Variants in TRPV5 observed in about 807,000 individuals in gnomAD.
The protein encoded by TRPV5 is transient receptor potential cation channel subfamily V member 5.
A neutral mutation model predicts 74.1 loss-of-function variants in TRPV5; 66 were observed. The observed-to-expected ratio is 0.89, with a 90% CI of 0.73 to 1.09. The LOEUF is 1.09. Among genes scored for constraint, TRPV5 ranks in the 50% least tolerant of loss-of-function variants. The pLI, the probability that TRPV5 is intolerant of heterozygous loss-of-function variation, is 0.00. For synonymous variants in TRPV5, 399 were observed against 360.7 expected, an observed-to-expected ratio of 1.11 and a Z score of -1.20; for missense variants, 936 against 930.4, an observed-to-expected ratio of 1.01 and a Z score of -0.08.
chr7:142,914,516 CAA>C, intron 12 of TRPV5, 122 bp downstream of exon 12: 1 of 939,212 alleles, frequency 1.1e-6, no homozygotes, highest in Non-Finnish European at 1.6e-6. Flanking sequence ...AAAAACAAAA[CAA>C]AAAACAAACA....
At chr7:142,913,404 A>C (rs1475268426) in intron 12 of TRPV5, among the ~76,000 whole-genome samples, 1 of 152,252 alleles carries the variant, frequency 6.6e-6, no homozygotes, top group Non-Finnish European at 1.5e-5. Context: ...AACAGGGTCT[A>C]TGACAAAGCA....
intron 12 of TRPV5, among the ~76,000 whole-genome samples, chr7:142,913,039 G>A (rs898113551): frequency 1.3e-5 from 2 of 152,164 alleles, no homozygotes; most frequent in African/African-American, 4.8e-5. Flanking sequence ...TGTGCAGCGT[G>A]TGTGTTTGTA....
At chr7:142,919,906 C>CT (rs967317423) in intron 8 of TRPV5, among the ~76,000 whole-genome samples, 1 of 152,166 alleles carries the variant, frequency 6.6e-6, no homozygotes, top group East Asian at 1.9e-4. Flanking sequence ...AGCTCTAGAC[C>CT]TTTTTCCCCC....
chr7:142,912,211 TC>T, intron 13 of TRPV5, among the ~76,000 whole-genome samples: 1 of 152,182 alleles, frequency 6.6e-6, no homozygotes, highest in East Asian at 1.9e-4. Context: ...CAAGGTCACT[TC>T]TAGTTCCCAC....
intron 8 of TRPV5, among the ~76,000 whole-genome samples, chr7:142,921,560 C>A (rs1031943852): frequency 6.6e-6 from 1 of 152,096 alleles, no homozygotes; most frequent in Non-Finnish European, 1.5e-5. Context: ...GATTACAAGC[C>A]TGAGCCACCG....
In TRPV5 at chr7:142,914,640, C is replaced by T. The variant is rs1051550257; in HGVS notation, c.1519G>A (p.Ala507Thr). ...MAVVILGFAS[A>T]FYIIFQTEDP... The stretch of plus-strand genomic sequence containing the variant: ...AGTAGAGGAGTGTATGGTGCCTTAC[C>T]GGAGGCAAATCCCAAGATGACCACA... The change falls in exon 12 of 15, where the codon GCG (alanine) becomes ACG (threonine). Residue 507 changes from alanine (A) to threonine (T), a missense_variant and splice_region_variant. By Grantham distance (58) the Ala-to-Thr change is moderately conservative. Transcript: ENST00000265310. 12 of 1,612,536 alleles carry T rather than the reference C, an allele frequency of 7.4e-6. No homozygotes were observed. Among genetic ancestry groups the T allele is most frequent in the East Asian group, 4.5e-5 (2 of 44,860 alleles).
At chr7:142,925,469 G>C (rs4252436) in intron 8 of TRPV5, 60 bp downstream of exon 8, 3 of 1,585,272 alleles carry the variant, frequency 1.9e-6, no homozygotes, top group Non-Finnish European at 1.7e-6. Flanking sequence ...GCATGGCTTC[G>C]TTTCCAGCAC....
At chr7:142,931,267 G>C (rs779367960) in intron 1 of TRPV5, among the ~76,000 whole-genome samples, 1 of 151,912 alleles carries the variant, frequency 6.6e-6, no homozygotes. Context: ...CAGGCAATCC[G>C]CCTGCCTTGG....
chr7:142,927,209 A>G (rs1796004144), intron 7 of TRPV5, among the ~76,000 whole-genome samples: 1 of 152,176 alleles, frequency 6.6e-6, no homozygotes, highest in Non-Finnish European at 1.5e-5. Flanking sequence ...TATCCAAGCC[A>G]AGTTAACTCT....
chr7:142,929,192 A>C, intron 4 of TRPV5, 72 bp from the exon 5 acceptor site: 1 of 1,557,992 alleles, frequency 6.4e-7, no homozygotes, highest in Non-Finnish European at 8.7e-7. Context: ...TCCCCCAAAT[A>C]AGGGCCTCCT....
intron 1 of TRPV5, 64 bp downstream of exon 1, chr7:142,933,268 C>T: frequency 6.3e-7 from 1 of 1,589,406 alleles, no homozygotes. Context: ...GAAAGCAGGC[C>T]CAGGTGGGTC....
chr7:142,911,512 C>T (rs1795703751), intron 13 of TRPV5, among the ~76,000 whole-genome samples: 1 of 152,216 alleles, frequency 6.6e-6, no homozygotes, highest in African/African-American at 2.4e-5. Flanking sequence ...CTCAGGAAAG[C>T]ATGTCTTCAC....
chr7:142,917,368 T>A (rs1472287941), intron 8 of TRPV5, among the ~76,000 whole-genome samples: 1 of 152,168 alleles, frequency 6.6e-6, no homozygotes, highest in African/African-American at 2.4e-5. Context: ...AATATTTTTA[T>A]TTTAAAAATG....
intron 7 of TRPV5, 103 bp from the exon 8 acceptor site, chr7:142,925,844 G>T: frequency 3.2e-6 from 3 of 952,152 alleles, no homozygotes; most frequent in Non-Finnish European, 4.9e-6. Context: ...CACTCACTCA[G>T]CTCATCAGTC....
intron 8 of TRPV5, among the ~76,000 whole-genome samples, chr7:142,915,996 A>G (rs1795789205): frequency 6.6e-6 from 1 of 152,194 alleles, no homozygotes. Context: ...CACTGTAAAC[A>G]TATCACAGAA....
intron 8 of TRPV5, among the ~76,000 whole-genome samples, chr7:142,924,385 TATATATACATATACATGTATATATATA>T (rs1795948304): frequency 8.2e-6 from 1 of 122,058 alleles, no homozygotes; most frequent in Non-Finnish European, 1.6e-5. Flanking sequence ...CATATATATA[TATATATACATATACATGTATATATATA>T]AAGGCAATTC....
intron 2 of TRPV5, 71 bp downstream of exon 2, chr7:142,930,278 A>G: frequency 1.2e-6 from 2 of 1,610,512 alleles, no homozygotes; most frequent in South Asian, 1.1e-5. Context: ...CTATTTCACA[A>G]ACTCGAAGTC....
intron 12 of TRPV5, among the ~76,000 whole-genome samples, chr7:142,913,422 CTTAT>C: frequency 6.6e-6 from 1 of 152,278 alleles, no homozygotes; most frequent in Admixed American, 6.5e-5. Flanking sequence ...GCATTGCCTC[CTTAT>C]TTATTTAAGA....
At position 142,908,190 on chromosome 7, in the gene TRPV5, T is replaced by C; in HGVS notation, c.*324A>G. ...CAGAAAAGCCTCACAGCTTACTACT[T>C]TCTAGGGGCTGCGTGGGGCAGAAGA... On this transcript the variant is annotated 3_prime_UTR_variant, in exon 15 of 15. Transcript: ENST00000265310. 2.6e-6 allele frequency: 1 copy of C among 381,668 alleles called. No individual in the cohort carries two copies. Among genetic ancestry groups the C allele is most frequent in the Non-Finnish European group, 4.8e-6 (1 of 210,004 alleles). The allele number at this position is 381,668 out of a possible 1,614,324, so 23.6% of individuals were successfully genotyped here.
Sources: gnomAD v4.1 joint callset for allele counts (sites outside exome capture counted in the v4.1 genomes callset) on GRCh38, gnomAD v4.1.1 for gene constraint, MANE v1.5 for transcripts, NCBI Gene and HGNC (gene_info 2026-07-23, HGNC 2026-07-21) for gene names.